NTS: variants seen among roughly 807,000 people sequenced by gnomAD.
NTS encodes neurotensin, also known as neurotensin/neuromedin N.
Under a neutral mutation model 19.5 loss-of-function variants are expected in NTS, and 20 were observed. That is an observed-to-expected ratio of 1.02 (90% CI 0.72 to 1.49). NTS has a LOEUF of 1.49. Among genes scored for constraint, NTS ranks in the 40% most tolerant of loss-of-function variants. NTS has a pLI of 0.00. For missense variants in NTS, 215 were observed against 193.1 expected (o/e 1.11, Z -0.67); for synonymous variants, 71 against 63.3 (o/e 1.12, Z -0.58).
At chr12:85,877,818 T>C (rs1881379843) in intron 2 of NTS, among the ~76,000 whole-genome samples, 1 of 152,192 alleles carries the variant, frequency 6.6e-6, no homozygotes, top group Admixed American at 6.5e-5. Flanking sequence ...TCTTGGTGTC[T>C]TGGTATAGGT....
rs1207280431 is a variant in NTS at position 85,879,043 on chromosome 12, TAC to T, written c.360+476_360+477del. 3.1e-4 allele frequency among the ~76,000 whole-genome samples: 43 copies of T among 137,078 alleles called. 1 individual carries two copies. Among genetic ancestry groups the T allele is most frequent in the Admixed American group, 1.7e-3 (23 of 13,612 alleles). The allele number at this position is 137,078 out of a possible 152,430, so 89.9% of individuals were successfully genotyped here. A position where few individuals can be genotyped will look rare whatever the true frequency, so the allele number is the denominator to read the frequency against. The stretch of plus-strand genomic sequence containing the variant: ...AGGCAAATAAAAATATATTTTTATG[TAC>T]ATAAAATATATTTTTATGTATATTT... On this transcript the variant is annotated intron_variant, in intron 3 of 3. Coordinates refer to ENST00000256010, the MANE Select transcript of NTS (RefSeq NM_006183.5).
chr12:85,879,323 A>ATGTATATTTT (rs376804099), intron 3 of NTS, among the ~76,000 whole-genome samples: 8 of 104 alleles, frequency 0.077, 4 homozygotes, highest in Admixed American at 0.14. Context: ...AAATATATTT[A>ATGTATATTTT]ATGTATATTT....
chr12:85,879,642 G>T, intron 3 of NTS, among the ~76,000 whole-genome samples: 1 of 106,362 alleles, frequency 9.4e-6, no homozygotes, highest in Non-Finnish European at 1.9e-5. Context: ...TATATTTTAT[G>T]TATATAAAAT....
intron 1 of NTS, 99 bp from the exon 2 acceptor site, chr12:85,876,540 TA>T: frequency 1.7e-6 from 1 of 592,034 alleles, no homozygotes; most frequent in South Asian, 3.9e-5. Context: ...AGAAAGACAC[TA>T]ACCTCTAAGA....
rs1565769056 is a variant in NTS, at chr12:85,874,445, C to T, written c.42C>T (p.Leu14=). Residue 14 remains leucine (L), a synonymous_variant, in exon 1 of 4, where the codon CTC becomes CTT. Coordinates refer to ENST00000256010, the MANE Select transcript of NTS (RefSeq NM_006183.5). ...GMKIQLVCML[L]LAFSSWSLCS... ...AAATCCAGCTTGTATGCATGCTACTCCTGGCTTTCAGCTCCTGGAGTCTGT... is the reference window on the plus strand; with the variant it reads ...AAATCCAGCTTGTATGCATGCTACTTCTGGCTTTCAGCTCCTGGAGTCTGT... 6.2e-7 allele frequency: 1 copy of T among 1,613,422 alleles called. No homozygotes were observed. The highest frequency in any genetic ancestry group is 2.2e-5 in the East Asian group (1 of 44,858).
chr12:85,876,817 G>A, intron 2 of NTS, 116 bp downstream of exon 2: 1 of 526,080 alleles, frequency 1.9e-6, no homozygotes. Context: ...TTCCTTGAGA[G>A]GCATTTCCTT....
chr12:85,879,253 C>T (rs796448957), intron 3 of NTS, among the ~76,000 whole-genome samples: 24 of 34 alleles, frequency 0.71, 11 homozygotes, highest in South Asian at 1. Context: ...ATATATTATA[C>T]ATAATTTTAT....
chr12:85,876,995 T>C (rs1318260978), intron 2 of NTS, among the ~76,000 whole-genome samples: 1 of 152,100 alleles, frequency 6.6e-6, no homozygotes, highest in African/African-American at 2.4e-5. Flanking sequence ...CCTTTTACAT[T>C]GGGTATGATG....
intron 3 of NTS, among the ~76,000 whole-genome samples, chr12:85,881,962 T>A (rs898605572): frequency 6.6e-6 from 1 of 152,040 alleles, no homozygotes; most frequent in African/African-American, 2.4e-5. Context: ...GTAAAGTTTA[T>A]AGAAATTTTT....
intron 1 of NTS, 87 bp from the exon 2 acceptor site, chr12:85,876,553 T>C: frequency 1.3e-6 from 1 of 747,778 alleles, no homozygotes; most frequent in South Asian, 2.6e-5. Context: ...CCTCTAAGAT[T>C]TTTTTTTAGA....
chr12:85,882,605 A>T lies in NTS; in HGVS notation c.*230A>T. The T allele has an allele frequency of 2.6e-6, 1 of 379,952 alleles. No individual in the cohort carries two copies. The highest frequency in any genetic ancestry group is 4.7e-6 in the Non-Finnish European group (1 of 213,776). 23.5% of individuals were successfully genotyped at this position (379,952 alleles called of 1,614,324 possible). ...AATTGGAGTAGATATTAATTAAGTC[A>T]CCTGTATAATGTTTTGTAATTTTGC... On this transcript the variant is annotated 3_prime_UTR_variant, in exon 4 of 4. Coordinates refer to ENST00000256010, the MANE Select transcript of NTS (RefSeq NM_006183.5).
At chr12:85,877,839 C>T (rs1043873436) in intron 2 of NTS, among the ~76,000 whole-genome samples, 9 of 152,074 alleles carry the variant, frequency 5.9e-5, no homozygotes, top group Admixed American at 3.3e-4. Context: ...TTACCTAATT[C>T]CCAGATGCAA....
chr12:85,875,185 C>T (rs1269676750), intron 1 of NTS, among the ~76,000 whole-genome samples: 1 of 151,948 alleles, frequency 6.6e-6, no homozygotes, highest in African/African-American at 2.4e-5. Flanking sequence ...GAGTGTTTTG[C>T]ATGTGGTTTG....
At position 85,882,751 on chromosome 12, in the gene NTS, G is replaced by A. The variant is rs909077871; in HGVS notation, c.*376G>A. The A allele has an allele frequency of 3.2e-5, 5 of 154,126 alleles. No homozygotes were observed. The highest frequency in any genetic ancestry group is 7.2e-5 in the African/African-American group (3 of 41,540). 9.5% of individuals were successfully genotyped at this position (154,126 alleles called of 1,614,324 possible). ...CATTCACCCAAAACAAAGTAATAGC[G>A]CCTCTTTTATTATTTTGACTGAATG... On this transcript the variant is annotated 3_prime_UTR_variant, in exon 4 of 4. Coordinates refer to ENST00000256010, the MANE Select transcript of NTS (RefSeq NM_006183.5).
Position 85,882,351 on chromosome 12 carries a change from CAA to C in NTS, c.492_493del (p.Asp166PhefsTer8). 1 of 1,583,868 alleles carries C rather than the reference CAA, an allele frequency of 6.3e-7. No homozygotes were observed. The highest frequency in any genetic ancestry group is 1.2e-5 in the South Asian group (1 of 85,172). ...ENKPRRPYIL[K>X]RDSYYY ...ATAAACCCAGAAGACCCTACATACTCAAAAGAGATTCTTACTATTACTGAGAG... is the reference window on the plus strand; with the variant it reads ...ATAAACCCAGAAGACCCTACATACTCAAGAGATTCTTACTATTACTGAGAG... On this transcript the variant is annotated frameshift_variant, in exon 4 of 4. Transcript: ENST00000256010. LOFTEE classifies it high-confidence loss of function.
rs765731229 is a variant in NTS at position 85,882,188 on chromosome 12, A to G, written c.361-35A>G. On this transcript the variant is annotated intron_variant, in intron 3 of 3. Coordinates refer to ENST00000256010, the MANE Select transcript of NTS (RefSeq NM_006183.5). ...TGCTCTGAAACAAAAGAGTTTATTCATGTAAGTTTCACTTATTTTATCTCT... is the reference window on the plus strand; with the variant it reads ...TGCTCTGAAACAAAAGAGTTTATTCGTGTAAGTTTCACTTATTTTATCTCT... The G allele has an allele frequency of 2.2e-5, 33 of 1,499,620 alleles. No individual in the cohort carries two copies. In the South Asian group the frequency reaches 3.3e-4, roughly 15 times the overall value. 92.9% of individuals were successfully genotyped at this position (1,499,620 alleles called of 1,614,324 possible).
chr12:85,879,196 A>C, intron 3 of NTS, among the ~76,000 whole-genome samples: 1 of 126,054 alleles, frequency 7.9e-6, no homozygotes, highest in African/African-American at 2.7e-5. Context: ...TTTTATGTAT[A>C]TTTTATGTAC....
intron 1 of NTS, among the ~76,000 whole-genome samples, chr12:85,874,946 CAAAT>C (rs1156895056): frequency 1.3e-5 from 2 of 152,082 alleles, no homozygotes; most frequent in Admixed American, 6.6e-5. Context: ...GTTAAGATAA[CAAAT>C]AAAGTGAAAA....
In NTS at chr12:85,882,495, A is replaced by G. The variant is rs1881524244; in HGVS notation, c.*120A>G. On this transcript the variant is annotated 3_prime_UTR_variant, in exon 4 of 4. Transcript: ENST00000256010. ...TCTGTCTCTTCTACAATTGTGGTTT[A>G]TTGAATGTGATTTTTCTGCACTAAT... is the stretch of plus-strand genomic sequence containing the variant. 1 of 782,388 alleles carries G rather than the reference A, an allele frequency of 1.3e-6. No homozygotes were observed. The highest frequency in any genetic ancestry group is 2.8e-5 in the Admixed American group (1 of 35,096). 48.5% of individuals were successfully genotyped at this position (782,388 alleles called of 1,614,324 possible).
Sources: allele counts gnomAD v4.1 joint callset (sites outside exome capture counted in the v4.1 genomes callset), GRCh38; gene constraint gnomAD v4.1.1; transcripts MANE v1.5; gene names NCBI Gene and HGNC (gene_info 2026-07-23, HGNC 2026-07-21).